Variants in TMEM132D observed in about 807,000 individuals in gnomAD.
The protein encoded by TMEM132D is transmembrane protein 132D.
Under a neutral mutation model 62.3 loss-of-function variants are expected in TMEM132D, and 21 were observed. That is an observed-to-expected ratio of 0.34 (90% confidence interval 0.24 to 0.49). TMEM132D has a LOEUF of 0.49. Ranked by LOEUF, TMEM132D falls within the 20% of genes least tolerant of loss-of-function variation. The pLI is 0.99. For missense variants in TMEM132D, 1,346 were observed against 1,402.8 expected, an observed-to-expected ratio of 0.96 and a Z score of 0.65; for synonymous variants, 621 against 575.6, an observed-to-expected ratio of 1.08 and a Z score of -1.13.
intron 2 of TMEM132D, among the ~76,000 whole-genome samples, chr12:129,699,567 AG>A (rs1881322096): frequency 6.6e-6 from 1 of 152,106 alleles, no homozygotes; most frequent in South Asian, 2.1e-4. Flanking sequence ...TACCATCAGC[AG>A]CCCCCCGGCT....
chr12:129,823,080 A>G (rs1872578335), intron 1 of TMEM132D, among the ~76,000 whole-genome samples: 2 of 152,142 alleles, frequency 1.3e-5, no homozygotes, highest in African/African-American at 4.8e-5. Context: ...GTTTAAAAGT[A>G]TGTGGCACCT....
chr12:129,501,748 C>T (rs1392299556), intron 3 of TMEM132D, among the ~76,000 whole-genome samples: 1 of 152,152 alleles, frequency 6.6e-6, no homozygotes, highest in African/African-American at 2.4e-5. Context: ...TTACCCAATC[C>T]GCTCACCTCG....
At chr12:129,356,890 A>G (rs1366395294) in intron 3 of TMEM132D, among the ~76,000 whole-genome samples, 6 of 134,852 alleles carry the variant, frequency 4.4e-5, no homozygotes, top group African/African-American at 1.7e-4. Context: ...AAGAAACAAA[A>G]CAAAGGAAGG....
rs1344830980 is a variant in TMEM132D, at chr12:129,074,010, TGAG to T, written c.3162_3164del (p.Ser1055del). On this transcript the variant is annotated inframe_deletion, in exon 9 of 9. Transcript: ENST00000422113. ...AGTTCCTGGTGGGGTACTCGTCGTC[TGAG>T]GAGACGGCGGTGAAGGTGGTAAATT... is the stretch of plus-strand genomic sequence containing the variant. 7 of 1,613,960 alleles carry T rather than the reference TGAG, an allele frequency of 4.3e-6. No individual in the cohort carries two copies. The highest frequency in any genetic ancestry group is 5.9e-6 in the Non-Finnish European group (7 of 1,179,972).
chr12:129,322,633 T>C (rs1868760374), intron 4 of TMEM132D, among the ~76,000 whole-genome samples: 1 of 152,146 alleles, frequency 6.6e-6, no homozygotes, highest in Non-Finnish European at 1.5e-5. Context: ...TCTAGAAAGA[T>C]ATGGGTTCTA....
rs371964098 is a variant in TMEM132D at position 129,635,760 on chromosome 12, G to T, written c.968+64050C>A. 3.5e-4 allele frequency among the ~76,000 whole-genome samples: 54 copies of T among 152,332 alleles called. No homozygotes were observed. The East Asian group carries it at 8.1e-3, about 23-fold the overall frequency. ...TAAAATATTTATAGAGGTTTATCCTGAGCCAAATGTGAGTGACCATGGCCC... is the reference window on the plus strand; with the variant it reads ...TAAAATATTTATAGAGGTTTATCCTTAGCCAAATGTGAGTGACCATGGCCC... On this transcript the variant is annotated intron_variant, in intron 2 of 8. Transcript: ENST00000422113.
At chr12:129,543,210 AGTGG>A (rs1212443747) in intron 2 of TMEM132D, among the ~76,000 whole-genome samples, 90 of 62,286 alleles carry the variant, frequency 1.4e-3, no homozygotes, top group African/African-American at 5.3e-3. Context: ...TGAGTTGGTG[AGTGG>A]GTGGGTGGGT....
intron 2 of TMEM132D, among the ~76,000 whole-genome samples, chr12:129,593,708 G>A (rs1680290089): frequency 6.6e-6 from 1 of 152,136 alleles, no homozygotes; most frequent in African/African-American, 2.4e-5. Context: ...ACTCAGTATT[G>A]CAGACTAAAA....
chr12:129,614,590 C>T (rs1445368775), intron 2 of TMEM132D, among the ~76,000 whole-genome samples: 1 of 152,174 alleles, frequency 6.6e-6, no homozygotes, highest in Non-Finnish European at 1.5e-5. Flanking sequence ...GAACGGCAGT[C>T]CAAAATTCTT....
intron 2 of TMEM132D, among the ~76,000 whole-genome samples, chr12:129,582,949 G>A (rs1471012628): frequency 1.4e-5 from 2 of 145,808 alleles, no homozygotes; most frequent in Non-Finnish European, 3.0e-5. Flanking sequence ...TTTTGTTTTG[G>A]AGACAGAGTC....
intron 4 of TMEM132D, among the ~76,000 whole-genome samples, chr12:129,254,497 C>A (rs998966732): frequency 6.6e-6 from 1 of 152,128 alleles, no homozygotes; most frequent in African/African-American, 2.4e-5. Flanking sequence ...TATTTAATCC[C>A]TCTAAGCCTC....
At chr12:129,144,738 A>T (rs532463544) in intron 5 of TMEM132D, among the ~76,000 whole-genome samples, 1 of 151,294 alleles carries the variant, frequency 6.6e-6, no homozygotes, top group South Asian at 2.1e-4. Context: ...CGTATCATTC[A>T]TCTAACATCT....
At chr12:129,198,342 T>C (rs1878604218) in intron 5 of TMEM132D, among the ~76,000 whole-genome samples, 1 of 152,168 alleles carries the variant, frequency 6.6e-6, no homozygotes, top group Non-Finnish European at 1.5e-5. Context: ...GAAATTAATA[T>C]GTGAAAGAGA....
chr12:129,631,456 C>T (rs139638981), intron 2 of TMEM132D, among the ~76,000 whole-genome samples: 119 of 152,280 alleles, frequency 7.8e-4, no homozygotes, highest in Non-Finnish European at 1.2e-3. Context: ...ACAGAGGAAA[C>T]GAATCCAGAC....
intron 2 of TMEM132D, among the ~76,000 whole-genome samples, chr12:129,677,306 C>T (rs1285224021): frequency 6.6e-6 from 1 of 152,134 alleles, no homozygotes; most frequent in Non-Finnish European, 1.5e-5. Flanking sequence ...TCCACAAGCT[C>T]TCTCTTTGTC....
intron 1 of TMEM132D, among the ~76,000 whole-genome samples, chr12:129,901,867 CCCG>C (rs1417325161): frequency 0.018 from 2,598 of 148,358 alleles, 61 homozygotes; most frequent in African/African-American, 0.059. Flanking sequence ...ACCAACCCCC[CCCG>C]CCCCAAAAAA....
chr12:129,640,768 G>A (rs1235947645), intron 2 of TMEM132D, among the ~76,000 whole-genome samples: 1 of 152,180 alleles, frequency 6.6e-6, no homozygotes, highest in East Asian at 1.9e-4. Context: ...TGAGTGATGG[G>A]TGAGTGAGTG....
intron 3 of TMEM132D, among the ~76,000 whole-genome samples, chr12:129,513,833 TTTATTTATTTA>T (rs1566093720): frequency 2.9e-5 from 4 of 139,848 alleles, no homozygotes; most frequent in African/African-American, 1.1e-4. Flanking sequence ...TATTTATTTA[TTTATTTATTTA>T]TTTATTTTTT....
intron 3 of TMEM132D, among the ~76,000 whole-genome samples, chr12:129,492,730 G>A (rs569443338): frequency 6.6e-6 from 1 of 152,198 alleles, no homozygotes; most frequent in Non-Finnish European, 1.5e-5. Flanking sequence ...TTGGCAAGTG[G>A]GGAGTTTTCT....
Sources: gnomAD v4.1 joint callset for allele counts (sites outside exome capture counted in the v4.1 genomes callset) on GRCh38, gnomAD v4.1.1 for gene constraint, MANE v1.5 for transcripts, NCBI Gene and HGNC (gene_info 2026-07-23, HGNC 2026-07-21) for gene names.